MICU3: variants seen among roughly 807,000 people sequenced by gnomAD.
MICU3 encodes the protein calcium uptake protein 3, mitochondrial.
A neutral mutation model predicts 66.5 loss-of-function variants in MICU3; 62 were observed. The ratio of observed to expected loss-of-function variants is 0.93; its 90% CI spans 0.76 to 1.15. The LOEUF is 1.15. MICU3 is among the 50% of genes most tolerant of loss of function. The pLI, the probability that MICU3 is intolerant of heterozygous loss-of-function variation, is 0.00. For missense variants in MICU3, 779 were observed against 664.4 expected (o/e 1.17, Z -1.90); for synonymous variants, 308 against 240.7 (o/e 1.28, Z -2.59).
intron 2 of MICU3, among the ~76,000 whole-genome samples, chr8:17,065,697 T>A (rs1470156706): frequency 6.6e-6 from 1 of 152,176 alleles, no homozygotes; most frequent in Non-Finnish European, 1.5e-5. Flanking sequence ...TCCACTAGAT[T>A]TAAAAACATG....
intron 7 of MICU3, 37 bp from the exon 8 acceptor site, chr8:17,090,509 T>A: frequency 6.3e-7 from 1 of 1,591,110 alleles, no homozygotes. Context: ...CATTCTGAAA[T>A]ATGACACTTC....
chr8:17,125,128 AGTATAGC>A (rs1258547519), downstream of MICU3, among the ~76,000 whole-genome samples: 425 of 152,020 alleles, frequency 2.8e-3, no homozygotes, highest in African/African-American at 9.5e-3. Flanking sequence ...ATCTCCTATG[AGTATAGC>A]CTGTAATATA....
Position 17,087,005 on chromosome 8 carries a change from T to G in MICU3, c.819T>G (p.Ile273Met). The G allele has an allele frequency of 6.2e-7, 1 of 1,607,832 alleles. No homozygotes were observed. The highest frequency in any genetic ancestry group is 8.5e-7 in the Non-Finnish European group (1 of 1,175,368). The change falls in exon 7 of 15, where the codon ATT (isoleucine) becomes ATG (methionine). Residue 273 changes from isoleucine (I) to methionine (M), a missense_variant. By Grantham distance (10) the Ile-to-Met change is conservative. Transcript: ENST00000318063. ...IFRKKNEKRE[I>M]KGDEEKRAML... ...GGAAAAAAAATGAAAAGAGAGAAAT[T>G]AAAGGAGATGAAGAAAAGCGTGCAA...
At chr8:17,044,861 C>G (rs926817790) in intron 1 of MICU3, among the ~76,000 whole-genome samples, 12 of 152,188 alleles carry the variant, frequency 7.9e-5, no homozygotes, top group Non-Finnish European at 1.6e-4. Flanking sequence ...CATGATGCTG[C>G]CATTCCTTAC....
At chr8:17,058,548 A>G (rs1310690320) in intron 1 of MICU3, among the ~76,000 whole-genome samples, 3 of 152,142 alleles carry the variant, frequency 2.0e-5, no homozygotes, top group Middle Eastern at 3.4e-3. Flanking sequence ...TTTTTCTTGA[A>G]TGTTTATAAT....
At chr8:17,064,369 G>C in intron 2 of MICU3, 132 bp downstream of exon 2, 1 of 601,568 alleles carries the variant, frequency 1.7e-6, no homozygotes, top group Non-Finnish European at 2.7e-6. Flanking sequence ...GTGCTATTCA[G>C]TGTTACAGAC....
rs559989965 is a variant in MICU3, at chr8:17,048,446, C to A, written c.382-15638C>A. On this transcript the variant is annotated intron_variant, in intron 1 of 14. Coordinates refer to ENST00000318063, the MANE Select transcript of MICU3 (RefSeq NM_181723.3). ...GGGGGAACGCCCCTTTATATAAAAC[C>A]ATCAGATCTGGTGTGACTTATTCAC... Among the ~76,000 whole-genome samples the A allele has an allele frequency of 9.1e-4, 139 of 152,242 alleles. 1 individual carries two copies. The highest frequency in any genetic ancestry group is 1.6e-3 in the African/African-American group (68 of 41,548).
At chr8:17,050,181 T>C (rs1815817290) in intron 1 of MICU3, among the ~76,000 whole-genome samples, 1 of 152,180 alleles carries the variant, frequency 6.6e-6, no homozygotes, top group African/African-American at 2.4e-5. Context: ...AACTTAAAAT[T>C]ATCTTTCAGA....
chr8:17,047,523 C>T (rs1261451931), intron 1 of MICU3, among the ~76,000 whole-genome samples: 1 of 152,016 alleles, frequency 6.6e-6, no homozygotes, highest in Non-Finnish European at 1.5e-5. Flanking sequence ...TGAGCAAGAT[C>T]AATAAAAATA....
At chr8:17,138,312 G>C in the MICU3 span, among the ~76,000 whole-genome samples, 1 of 152,068 alleles carries the variant, frequency 6.6e-6, no homozygotes, top group Non-Finnish European at 1.5e-5. Flanking sequence ...ATGTTATAAT[G>C]TTTTTATTTT....
chr8:17,130,035 A>G, the MICU3 span, among the ~76,000 whole-genome samples: 1 of 152,214 alleles, frequency 6.6e-6, no homozygotes, highest in African/African-American at 2.4e-5. Flanking sequence ...AATAATGGTT[A>G]TATAAAGACA....
At chr8:17,039,259 C>T (rs950454820) in intron 1 of MICU3, among the ~76,000 whole-genome samples, 5 of 152,152 alleles carry the variant, frequency 3.3e-5, no homozygotes, top group African/African-American at 9.7e-5. Context: ...TTATGTGGCT[C>T]GCTTTATTGC....
chr8:17,029,167 A>G (rs757490361), intron 1 of MICU3, among the ~76,000 whole-genome samples: 1 of 152,220 alleles, frequency 6.6e-6, no homozygotes, highest in African/African-American at 2.4e-5. Context: ...TGGTACTACT[A>G]AAGAACATTA....
At chr8:17,134,645 C>T in the MICU3 span, among the ~76,000 whole-genome samples, 9 of 152,212 alleles carry the variant, frequency 5.9e-5, no homozygotes, top group East Asian at 3.9e-4. Flanking sequence ...GGGGTTTCAC[C>T]ATGTTAGCCA....
the MICU3 span, among the ~76,000 whole-genome samples, chr8:17,129,149 C>G: frequency 6.6e-6 from 1 of 152,176 alleles, no homozygotes; most frequent in Non-Finnish European, 1.5e-5. Context: ...ACCAAGCTAT[C>G]CTATCAGTAC....
chr8:17,054,771 G>C (rs1227227002), intron 1 of MICU3, among the ~76,000 whole-genome samples: 25 of 113,994 alleles, frequency 2.2e-4, no homozygotes, highest in African/African-American at 8.5e-4. Flanking sequence ...ACAGAGTCTT[G>C]CTCTGTCGCC....
intron 4 of MICU3, among the ~76,000 whole-genome samples, chr8:17,080,960 A>G (rs1249495394): frequency 1.3e-5 from 2 of 152,156 alleles, no homozygotes; most frequent in Non-Finnish European, 2.9e-5. Flanking sequence ...ATCTACTTGG[A>G]AGGTCAGTTG....
chr8:17,058,385 A>C (rs918365828), intron 1 of MICU3, among the ~76,000 whole-genome samples: 4 of 152,174 alleles, frequency 2.6e-5, no homozygotes, highest in African/African-American at 9.6e-5. Flanking sequence ...CCACAGATTC[A>C]TTGTGCTCCA....
chr8:17,083,394 C>T (rs1821480622), intron 5 of MICU3, among the ~76,000 whole-genome samples: 2 of 152,172 alleles, frequency 1.3e-5, no homozygotes, highest in Middle Eastern at 3.4e-3. Flanking sequence ...AATCTTGTGG[C>T]TAATTTGTTA....
Sources: gnomAD v4.1 joint callset for allele counts (sites outside exome capture counted in the v4.1 genomes callset) on GRCh38, gnomAD v4.1.1 for gene constraint, MANE v1.5 for transcripts, NCBI Gene and HGNC (gene_info 2026-07-23, HGNC 2026-07-21) for gene names.